The following BBS12 variants were observed in gnomAD, a reference collection of about 807,000 sequenced individuals.
BBS12 encodes the protein Bardet-Biedl syndrome 12, also known as chaperonin-containing T-complex member BBS12.
BBS12 carries 5 observed loss-of-function variants against 5.6 expected under a neutral mutation model. The ratio of observed to expected loss-of-function variants is 0.89; its 90% CI spans 0.46 to 1.86. The LOEUF is 1.86. BBS12 is among the 40% of genes most tolerant of loss of function. The pLI, the probability that BBS12 is intolerant of heterozygous loss-of-function variation, is 0.01. For synonymous variants in BBS12, 308 were observed against 306.8 expected (o/e 1.00, Z -0.04); for missense variants, 748 against 830.4 (o/e 0.90, Z 1.22).
intron 1 of BBS12, among the ~76,000 whole-genome samples, chr4:122,741,485 G>A (rs1302738646): frequency 1.3e-5 from 2 of 152,000 alleles, no homozygotes; most frequent in African/African-American, 2.4e-5. Flanking sequence ...GCGCCCAGCC[G>A]CTCCACTACA....
At chr4:122,701,951 G>A in the BBS12 span, among the ~76,000 whole-genome samples, 1 of 152,076 alleles carries the variant, frequency 6.6e-6, no homozygotes, top group Non-Finnish European at 1.5e-5. Context: ...TCCCATCTCT[G>A]CTTCCTGTCC....
the BBS12 span, among the ~76,000 whole-genome samples, chr4:122,714,779 TAA>T: frequency 3.9e-5 from 6 of 152,020 alleles, no homozygotes; most frequent in South Asian, 4.1e-4. Flanking sequence ...TGTCAAGAAA[TAA>T]GTCAAGCTTT....
the BBS12 span, among the ~76,000 whole-genome samples, chr4:122,707,742 G>C: frequency 2.0e-3 from 306 of 152,280 alleles, 2 homozygotes; most frequent in Non-Finnish European, 3.2e-3. Context: ...TGGTGCAGTA[G>C]AAGGCCGACT....
rs575831078 is a variant in BBS12, at chr4:122,739,059, T to C, written c.-10-2824T>C. On this transcript the variant is annotated intron_variant, in intron 1 of 1. Coordinates refer to ENST00000314218, the MANE Select transcript of BBS12 (RefSeq NM_152618.3). ...AGGCTGTTTGAAACAGAGGCAGAGG[T>C]TAGAGTTATGCAGTCAGAAGCCAAG... 9.9e-5 allele frequency among the ~76,000 whole-genome samples: 15 copies of C among 152,214 alleles called. No individual in the cohort carries two copies. The South Asian group carries it at 3.1e-3, about 32-fold the overall frequency.
At chr4:122,710,830 T>C in the BBS12 span, among the ~76,000 whole-genome samples, 1 of 152,280 alleles carries the variant, frequency 6.6e-6, no homozygotes, top group East Asian at 1.9e-4. Flanking sequence ...CTTCTTCTGC[T>C]AGGTCCTACA....
At chr4:122,708,946 A>C in the BBS12 span, among the ~76,000 whole-genome samples, 1 of 152,218 alleles carries the variant, frequency 6.6e-6, no homozygotes, top group Admixed American at 6.5e-5. Flanking sequence ...ATGATAAAGC[A>C]TGTAAAATAC....
At chr4:122,741,687 G>A (rs1260624445) in intron 1 of BBS12, among the ~76,000 whole-genome samples, 196 bp from the exon 2 acceptor site, 1 of 151,950 alleles carries the variant, frequency 6.6e-6, no homozygotes, top group Non-Finnish European at 1.5e-5. Context: ...TCCTCTGTTG[G>A]GTGGAGTGTT....
intron 1 of BBS12, among the ~76,000 whole-genome samples, chr4:122,735,080 T>C (rs914422053): frequency 5.9e-5 from 9 of 152,168 alleles, no homozygotes; most frequent in African/African-American, 2.2e-4. Flanking sequence ...TAATACAATG[T>C]TTTTAATACA....
At chr4:122,741,411 C>G (rs1560705972) in intron 1 of BBS12, among the ~76,000 whole-genome samples, 2 of 152,084 alleles carry the variant, frequency 1.3e-5, no homozygotes. Context: ...GGTCTCGAAC[C>G]CCTGACCTCG....
At chr4:122,717,414 G>T in the BBS12 span, among the ~76,000 whole-genome samples, 1 of 151,646 alleles carries the variant, frequency 6.6e-6, no homozygotes, top group African/African-American at 2.4e-5. Flanking sequence ...TAAGTGCTTA[G>T]CTTATGTTTG....
the BBS12 span, among the ~76,000 whole-genome samples, chr4:122,712,681 A>G: frequency 1.3e-5 from 2 of 152,178 alleles, no homozygotes; most frequent in East Asian, 3.9e-4. Flanking sequence ...CTGCCCTTTC[A>G]CATATAGTGC....
the BBS12 span, among the ~76,000 whole-genome samples, chr4:122,703,389 T>C: frequency 6.6e-6 from 1 of 152,238 alleles, no homozygotes; most frequent in African/African-American, 2.4e-5. Context: ...TTCTTAAGAC[T>C]TTCCAAGCCA....
At chr4:122,741,859 T>TA in intron 1 of BBS12, 24 bp from the exon 2 acceptor site, 1 of 1,584,984 alleles carries the variant, frequency 6.3e-7, no homozygotes, top group South Asian at 1.1e-5. Context: ...TGAATAAAGT[T>TA]ACAAGTTTTT....
In BBS12 at chr4:122,743,627, T is replaced by C. The variant is rs1361555889; in HGVS notation, c.1735T>C (p.Ser579Pro). 3.7e-6 allele frequency: 6 copies of C among 1,614,200 alleles called. No individual in the cohort carries two copies. Among genetic ancestry groups the C allele is most frequent in the Non-Finnish European group, 5.1e-6 (6 of 1,180,026 alleles). Reference sequence around the variant, plus strand: ...TAATACTTCCTCTTGGCTGGCTTCATCTCTGGCAATATACAGACCAACTGT... The same window carrying C: ...TAATACTTCCTCTTGGCTGGCTTCACCTCTGGCAATATACAGACCAACTGT... ...LHNTSSWLAS[S>P]LAIYRPTVLK... is the part of the protein sequence containing the mutation. The change falls in exon 2 of 2, where the codon TCT becomes CCT. Residue 579 changes from serine (S) to proline (P), a missense_variant. Transcript: ENST00000314218.
the BBS12 span, among the ~76,000 whole-genome samples, chr4:122,713,661 G>T: frequency 1.2e-3 from 178 of 152,320 alleles, no homozygotes; most frequent in African/African-American, 4.3e-3. Flanking sequence ...CTATTGGATT[G>T]AGTAAGATCA....
the BBS12 span, among the ~76,000 whole-genome samples, chr4:122,709,301 C>T: frequency 3.3e-5 from 5 of 152,148 alleles, no homozygotes; most frequent in South Asian, 1.0e-3. Flanking sequence ...CTTATAATGG[C>T]AGAGTTTACT....
At chr4:122,706,104 T>G in the BBS12 span, among the ~76,000 whole-genome samples, 10 of 152,192 alleles carry the variant, frequency 6.6e-5, no homozygotes, top group African/African-American at 2.2e-4. Context: ...TGTGAGGACC[T>G]GCCACTATCT....
At chr4:122,713,402 G>A in the BBS12 span, among the ~76,000 whole-genome samples, 3 of 152,104 alleles carry the variant, frequency 2.0e-5, no homozygotes, top group African/African-American at 4.8e-5. Flanking sequence ...TGAAGCAGGA[G>A]GATTACTTGA....
At chr4:122,712,548 T>C in the BBS12 span, among the ~76,000 whole-genome samples, 1,123 of 152,320 alleles carry the variant, frequency 7.4e-3, 18 homozygotes, top group African/African-American at 0.026. Context: ...ACTTACAAAA[T>C]TTGTAGACCA....
Sources: gnomAD v4.1 joint callset for allele counts (sites outside exome capture counted in the v4.1 genomes callset) on GRCh38, gnomAD v4.1.1 for gene constraint, MANE v1.5 for transcripts, NCBI Gene and HGNC (gene_info 2026-07-23, HGNC 2026-07-21) for gene names.